The following STPG4 variants were observed in gnomAD, a reference collection of about 807,000 sequenced individuals.
The protein encoded by STPG4 is protein STPG4.
A neutral mutation model predicts 31.5 loss-of-function variants in STPG4; 41 were observed. The ratio of observed to expected loss-of-function variants is 1.30; its 90% confidence interval spans 1.01 to 1.69. The LOEUF is 1.69. Ranked by LOEUF, STPG4 falls within the 40% of genes most tolerant of loss-of-function variation. The probability of loss-of-function intolerance (pLI) is 0.00; values close to 1 mark genes in which losing one functional copy is unlikely to be tolerated. For missense variants in STPG4, 375 were observed against 293.4 expected (o/e 1.28, Z -2.03); for synonymous variants, 141 against 103.0 (o/e 1.37, Z -2.24).
intron 5 of STPG4, among the ~76,000 whole-genome samples, chr2:47,112,029 A>G (rs764595376): frequency 2.1e-4 from 32 of 152,240 alleles, no homozygotes; most frequent in Non-Finnish European, 4.1e-4. Context: ...GCCTTCGGGC[A>G]CATAAGATCC....
chr2:47,136,144 A>C (rs995741487), intron 3 of STPG4, among the ~76,000 whole-genome samples: 1 of 151,494 alleles, frequency 6.6e-6, no homozygotes, highest in Non-Finnish European at 1.5e-5. Context: ...TTCTTCTTTG[A>C]TTTCTTTCTT....
At chr2:47,126,830 T>A (rs1686376119) in intron 5 of STPG4, among the ~76,000 whole-genome samples, 1 of 152,212 alleles carries the variant, frequency 6.6e-6, no homozygotes, top group Non-Finnish European at 1.5e-5. Flanking sequence ...TTTAAATATG[T>A]CATGCCACTC....
At chr2:47,095,975 A>G (rs545727216) in intron 5 of STPG4, among the ~76,000 whole-genome samples, 46 of 152,310 alleles carry the variant, frequency 3.0e-4, no homozygotes, top group African/African-American at 1.0e-3. Flanking sequence ...TCAGCAGAAC[A>G]GCCCATAGGA....
intron 3 of STPG4, among the ~76,000 whole-genome samples, chr2:47,149,010 T>C (rs540465511): frequency 3.9e-4 from 59 of 152,188 alleles, no homozygotes; most frequent in Non-Finnish European, 6.8e-4. Context: ...ACATACTATA[T>C]CTACCCCAAA....
intron 5 of STPG4, among the ~76,000 whole-genome samples, chr2:47,111,457 G>T (rs193201645): frequency 1.5e-4 from 23 of 152,310 alleles, no homozygotes; most frequent in Non-Finnish European, 2.8e-4. Flanking sequence ...ATCAATTAAA[G>T]GGGAGGAGTG....
chr2:47,137,849 T>C (rs992747705), intron 3 of STPG4, among the ~76,000 whole-genome samples: 1 of 152,164 alleles, frequency 6.6e-6, no homozygotes, highest in African/African-American at 2.4e-5. Context: ...ATATTAGTCA[T>C]TTGTGTTTTC....
At chr2:47,097,329 C>T (rs1377570604) in intron 5 of STPG4, among the ~76,000 whole-genome samples, 3 of 152,140 alleles carry the variant, frequency 2.0e-5, no homozygotes, top group African/African-American at 4.8e-5. Flanking sequence ...AAAGCGCACA[C>T]GTTCTATTTC....
chr2:47,120,241 G>C (rs145120103), intron 5 of STPG4, among the ~76,000 whole-genome samples: 1 of 152,204 alleles, frequency 6.6e-6, no homozygotes, highest in South Asian at 2.1e-4. Flanking sequence ...TGAGGCAGGA[G>C]AATCACTTGA....
At chr2:47,088,149 A>G (rs1685498258) in intron 6 of STPG4, among the ~76,000 whole-genome samples, 1 of 150,634 alleles carries the variant, frequency 6.6e-6, no homozygotes, top group African/African-American at 2.4e-5. Context: ...GCAGGACCTC[A>G]GCTCACTGCA....
chr2:47,128,945 G>T (rs1476623412), intron 5 of STPG4: 1 of 152,342 alleles, frequency 6.6e-6, no homozygotes, highest in East Asian at 1.9e-4. Flanking sequence ...AGTGTTGTCT[G>T]GCCACTGCTG....
At position 47,104,745 on chromosome 2, in the gene STPG4, A is replaced by T; in HGVS notation, c.520-14371T>A. ...ATTTACTTTTGGCTACCAGTTTGGA[A>T]GCCTCATGCCAGCAGGCTACTCTAG... On this transcript the variant is annotated intron_variant, in intron 5 of 6. Coordinates refer to ENST00000445927, the MANE Select transcript of STPG4 (RefSeq NM_001163561.2). Among the ~76,000 whole-genome samples, 2 of 151,940 alleles carry T rather than the reference A, an allele frequency of 1.3e-5. 1 individual carries two copies. The highest frequency in any genetic ancestry group is 2.9e-5 in the Non-Finnish European group (2 of 68,030).
At chr2:47,114,298 A>C (rs570358604) in intron 5 of STPG4, among the ~76,000 whole-genome samples, 115 of 152,104 alleles carry the variant, frequency 7.6e-4, no homozygotes, top group African/African-American at 2.7e-3. Context: ...TGAGGCCCGG[A>C]GTTCGAGACC....
chr2:47,090,446 TACAAATAA>T, intron 5 of STPG4, 72 bp from the exon 6 acceptor site: 2 of 978,998 alleles, frequency 2.0e-6, no homozygotes, highest in Non-Finnish European at 3.1e-6. Context: ...ATTTGCCTTC[TACAAATAA>T]ACATATGAAT....
chr2:47,089,877 A>G (rs897503665), intron 6 of STPG4, among the ~76,000 whole-genome samples: 3 of 152,132 alleles, frequency 2.0e-5, no homozygotes, highest in African/African-American at 7.2e-5. Flanking sequence ...TTCTGCTTCA[A>G]ATTTTGCTTC....
In STPG4 at chr2:47,155,222, G is replaced by A; in HGVS notation, c.30C>T (p.Ser10=). The change falls in exon 1 of 7, where the codon TCC becomes TCT. Residue 10 remains serine, a synonymous_variant. Transcript: ENST00000445927. ...CCACCAGGTCTTCCCTTATTGAGGT[G>A]GAAGCGGTGGCGACGGCTGGCTGGT... MDQPAVATA[S]TSIREDLVGG... is the part of the protein sequence containing the mutation. 1.2e-6 allele frequency: 2 copies of A among 1,614,186 alleles called. No homozygotes were observed. The highest frequency in any genetic ancestry group is 1.7e-6 in the Non-Finnish European group (2 of 1,180,026).
intron 5 of STPG4, chr2:47,120,896 C>T (rs1330829105): frequency 6.6e-6 from 1 of 152,078 alleles, no homozygotes; most frequent in East Asian, 1.9e-4. Context: ...ACCCTACCCC[C>T]GCAACACACA....
intron 3 of STPG4, among the ~76,000 whole-genome samples, chr2:47,139,472 T>C (rs557504305): frequency 6.6e-6 from 1 of 151,998 alleles, no homozygotes; most frequent in African/African-American, 2.4e-5. Flanking sequence ...AAAATAATCA[T>C]GGTAGACACC....
intron 5 of STPG4, among the ~76,000 whole-genome samples, chr2:47,103,061 G>A (rs181646626): frequency 1.6e-4 from 24 of 151,954 alleles, no homozygotes; most frequent in Admixed American, 7.9e-4. Context: ...AATGACAGCC[G>A]ACGAAAGGGA....
At chr2:47,110,321 C>T (rs528620435) in intron 5 of STPG4, among the ~76,000 whole-genome samples, 5 of 152,274 alleles carry the variant, frequency 3.3e-5, no homozygotes, top group South Asian at 2.1e-4. Context: ...GGGCTGGGCA[C>T]GGTGGCTCAC....
Sources: gnomAD v4.1 joint callset for allele counts (sites outside exome capture counted in the v4.1 genomes callset) on GRCh38, gnomAD v4.1.1 for gene constraint, MANE v1.5 for transcripts, NCBI Gene and HGNC (gene_info 2026-07-23, HGNC 2026-07-21) for gene names.